COL26A1: variants seen among roughly 807,000 people sequenced by gnomAD.
The protein encoded by COL26A1 is collagen type XXVI alpha 1 chain.
A neutral mutation model predicts 59.3 loss-of-function variants in COL26A1; 41 were observed. That is an observed-to-expected ratio of 0.69 (90% confidence interval 0.54 to 0.90). The LOEUF is 0.90. Among genes scored for constraint, COL26A1 ranks in the 40% least tolerant of loss-of-function variants. The pLI is 0.00. For synonymous variants in COL26A1, 266 were observed against 256.0 expected, an observed-to-expected ratio of 1.04 and a Z score of -0.37; for missense variants, 612 against 602.3, an observed-to-expected ratio of 1.02 and a Z score of -0.17.
intron 1 of COL26A1, among the ~76,000 whole-genome samples, chr7:101,395,610 C>T (rs185015357): frequency 2.0e-5 from 3 of 152,292 alleles, no homozygotes; most frequent in Admixed American, 6.5e-5. Context: ...GAACTTGAAA[C>T]GGCATCTTTC....
chr7:101,370,046 G>C (rs1353864873), intron 1 of COL26A1, among the ~76,000 whole-genome samples: 1 of 151,844 alleles, frequency 6.6e-6, no homozygotes, highest in Non-Finnish European at 1.5e-5. Flanking sequence ...ATTTTTTGTA[G>C]AGATGGGTTT....
chr7:101,413,119 G>A (rs1054203732), intron 1 of COL26A1, among the ~76,000 whole-genome samples: 1 of 152,182 alleles, frequency 6.6e-6, no homozygotes, highest in South Asian at 2.1e-4. Context: ...AGAGCCAAAC[G>A]CCTGGTGGGG....
rs1792857194 is a variant in COL26A1, at chr7:101,434,184, T to TCCC, written c.282-13500_282-13499insCCC. ...TCTTTCTCTCCCCTTCCTTCCTTCCTTCTCTCTCTCTCTCTCTCCCGCCCC... is the reference window on the plus strand; with the variant it reads ...TCTTTCTCTCCCCTTCCTTCCTTCCTCCCTCTCTCTCTCTCTCTCTCCCGCCCC... On this transcript the variant is annotated intron_variant, in intron 2 of 12. Coordinates refer to ENST00000313669, the MANE Select transcript of COL26A1 (RefSeq NM_001278563.3). Among the ~76,000 whole-genome samples the TCCC allele has an allele frequency of 6.8e-3, 698 of 102,758 alleles. 12 individuals carry two copies. The highest frequency in any genetic ancestry group is 9.8e-3 in the Non-Finnish European group (465 of 47,480). The allele number at this position is 102,758 out of a possible 152,430, so 67.4% of individuals were successfully genotyped here.
In COL26A1 at chr7:101,558,673, T is replaced by G. The variant is rs1285964775; in HGVS notation, c.*1143T>G. 6.6e-6 allele frequency: 1 copy of G among 152,270 alleles called. No individual in the cohort carries two copies. The highest frequency in any genetic ancestry group is 2.4e-5 in the African/African-American group (1 of 41,462). The allele number at this position is 152,270 out of a possible 1,614,324, so 9.4% of individuals were successfully genotyped here. A position where few individuals can be genotyped will look rare whatever the true frequency, so the allele number is the denominator to read the frequency against. On this transcript the variant is annotated 3_prime_UTR_variant, in exon 13 of 13. Coordinates refer to ENST00000313669, the MANE Select transcript of COL26A1 (RefSeq NM_001278563.3). Reference sequence around the variant, plus strand: ...CCTAGCAGCCCAGAACAGCTCTGACTGGAGCCCTCAAGGCCTCTGGGGCCA... The same window carrying G: ...CCTAGCAGCCCAGAACAGCTCTGACGGGAGCCCTCAAGGCCTCTGGGGCCA...
At chr7:101,378,935 T>C (rs1454698181) in intron 1 of COL26A1, among the ~76,000 whole-genome samples, 2 of 152,034 alleles carry the variant, frequency 1.3e-5, no homozygotes, top group Non-Finnish European at 2.9e-5. Flanking sequence ...GTGCGGCCCC[T>C]GGAGGCGACC....
chr7:101,545,489 C>T lies in COL26A1; in HGVS notation c.855C>T (p.Asp285=). 3 of 1,603,450 alleles carry T rather than the reference C, an allele frequency of 1.9e-6. No homozygotes were observed. The highest frequency in any genetic ancestry group is 2.6e-6 in the Non-Finnish European group (3 of 1,176,338). ...CCCTGCAGCCGCCTACAGACAAAGA[C>T]AGTGAGTAATGCCCCTGGGGGGCCA... The part of the protein sequence containing the change: ...LYSLQPPTDK[D]NGDSRLASAI... The change falls in exon 7 of 13, where the codon GAC becomes GAT. Residue 285 remains aspartate, a splice_region_variant and synonymous_variant. Coordinates refer to ENST00000313669, the MANE Select transcript of COL26A1 (RefSeq NM_001278563.3).
At chr7:101,498,765 A>G (rs1794639981) in intron 3 of COL26A1, among the ~76,000 whole-genome samples, 1 of 152,182 alleles carries the variant, frequency 6.6e-6, no homozygotes, top group South Asian at 2.1e-4. Flanking sequence ...GTGAAATTCA[A>G]CAGGATGTTT....
chr7:101,534,660 C>A (rs964265412), intron 4 of COL26A1, among the ~76,000 whole-genome samples: 1 of 147,162 alleles, frequency 6.8e-6, no homozygotes, highest in Non-Finnish European at 1.5e-5. Flanking sequence ...CATATACACA[C>A]ACACACACAC....
At chr7:101,524,132 A>T (rs1404382196) in intron 3 of COL26A1, among the ~76,000 whole-genome samples, 3 of 151,914 alleles carry the variant, frequency 2.0e-5, no homozygotes, top group Admixed American at 2.0e-4. Flanking sequence ...TTAGCCGGGC[A>T]TGGTGGTGGG....
chr7:101,364,700 G>C (rs1358364970), intron 1 of COL26A1, among the ~76,000 whole-genome samples: 1 of 151,954 alleles, frequency 6.6e-6, no homozygotes, highest in Non-Finnish European at 1.5e-5. Context: ...CTCCTGTGTA[G>C]CTGAGATCAC....
chr7:101,536,109 A>G (rs1795477194), intron 4 of COL26A1, among the ~76,000 whole-genome samples: 1 of 152,194 alleles, frequency 6.6e-6, no homozygotes, highest in South Asian at 2.1e-4. Context: ...CTCCTGGGAC[A>G]GGTTCAAGTG....
At chr7:101,405,845 C>A (rs1027624989) in intron 1 of COL26A1, among the ~76,000 whole-genome samples, 2 of 152,354 alleles carry the variant, frequency 1.3e-5, no homozygotes, top group South Asian at 4.1e-4. Context: ...AGTGGCCCCG[C>A]CAGCCCTTCC....
intron 1 of COL26A1, among the ~76,000 whole-genome samples, chr7:101,375,855 G>A (rs1008077248): frequency 3.3e-5 from 5 of 151,680 alleles, no homozygotes; most frequent in African/African-American, 4.8e-5. Context: ...GTGTGGTGGC[G>A]GGTGCCTGTA....
intron 1 of COL26A1, among the ~76,000 whole-genome samples, chr7:101,373,615 A>T (rs551048806): frequency 6.6e-6 from 1 of 152,196 alleles, no homozygotes; most frequent in East Asian, 1.9e-4. Flanking sequence ...GTTCTGAGGG[A>T]TCCTGGAGCG....
At chr7:101,467,272 TAAAG>T (rs1405261632) in intron 3 of COL26A1, among the ~76,000 whole-genome samples, 1 of 146,702 alleles carries the variant, frequency 6.8e-6, no homozygotes, top group Non-Finnish European at 1.5e-5. Flanking sequence ...TAATAGGTGA[TAAAG>T]AGAGAAAAGA....
chr7:101,488,269 A>T (rs1320761645), intron 3 of COL26A1, among the ~76,000 whole-genome samples: 1 of 150,040 alleles, frequency 6.7e-6, no homozygotes, highest in Non-Finnish European at 1.5e-5. Flanking sequence ...TGACAGAGTG[A>T]GACTCTGTCT....
intron 12 of COL26A1, 65 bp downstream of exon 12, chr7:101,555,936 C>G: frequency 7.3e-7 from 1 of 1,374,598 alleles, no homozygotes; most frequent in Non-Finnish European, 1.0e-6. Flanking sequence ...CCAATGCTGC[C>G]CTCATGGCTG....
At chr7:101,454,575 G>A (rs1453870042) in intron 3 of COL26A1, among the ~76,000 whole-genome samples, 3 of 152,002 alleles carry the variant, frequency 2.0e-5, no homozygotes, top group East Asian at 1.9e-4. Flanking sequence ...CCTTTTCAAG[G>A]TCTGTTTAGT....
chr7:101,388,361 T>C (rs904970064), intron 1 of COL26A1, among the ~76,000 whole-genome samples: 1 of 151,488 alleles, frequency 6.6e-6, no homozygotes, highest in Non-Finnish European at 1.5e-5. Flanking sequence ...GTAATTCAGC[T>C]ATCTGGGAGG....
Sources: allele counts gnomAD v4.1 joint callset (sites outside exome capture counted in the v4.1 genomes callset), GRCh38; gene constraint gnomAD v4.1.1; transcripts MANE v1.5; gene names NCBI Gene and HGNC (gene_info 2026-07-23, HGNC 2026-07-21).